Variants in BTBD16 observed in about 807,000 individuals in gnomAD.
BTBD16 encodes the protein BTB/POZ domain-containing protein 16.
In BTBD16, 66 loss-of-function variants were observed where a neutral mutation model predicts 67.4. The ratio of observed to expected loss-of-function variants is 0.98; its 90% CI spans 0.80 to 1.20. The LOEUF is 1.20. Ranked by LOEUF, BTBD16 falls within the 50% of genes most tolerant of loss-of-function variation. The pLI is 0.00. For missense variants in BTBD16, 634 were observed against 616.0 expected, an observed-to-expected ratio of 1.03 and a Z score of -0.31; for synonymous variants, 242 against 236.4, an observed-to-expected ratio of 1.02 and a Z score of -0.22.
At chr10:122,334,492 G>GGTGACTTTGAATA in intron 13 of BTBD16, among the ~76,000 whole-genome samples, 1 of 99,494 alleles carries the variant, frequency 1.0e-5, no homozygotes, top group African/African-American at 4.7e-5. Context: ...ACCGTGCCCG[G>GGTGACTTTGAATA]CCTTTTTTTT....
At chr10:122,318,757 T>G (rs985941887) in intron 10 of BTBD16, among the ~76,000 whole-genome samples, 6 of 152,286 alleles carry the variant, frequency 3.9e-5, no homozygotes, top group Admixed American at 2.6e-4. Context: ...GGCTAATTTT[T>G]GTATATTTAG....
At chr10:122,318,594 T>G (rs1328203800) in intron 10 of BTBD16, among the ~76,000 whole-genome samples, 1 of 152,176 alleles carries the variant, frequency 6.6e-6, no homozygotes, top group Non-Finnish European at 1.5e-5. Flanking sequence ...ATTTTTTTTG[T>G]TTTGTTTTTG....
intron 1 of BTBD16, among the ~76,000 whole-genome samples, chr10:122,273,399 G>A (rs567691707): frequency 1.3e-4 from 20 of 152,094 alleles, no homozygotes; most frequent in African/African-American, 4.6e-4. Flanking sequence ...TAACCTCAAT[G>A]ACTTGGCAGA....
At chr10:122,325,004 A>G (rs2096441895) in intron 10 of BTBD16, among the ~76,000 whole-genome samples, 1 of 152,244 alleles carries the variant, frequency 6.6e-6, no homozygotes, top group South Asian at 2.1e-4. Context: ...TGACAGACAG[A>G]AGGACATTGA....
chr10:122,275,276 G>A (rs543926563), intron 2 of BTBD16, among the ~76,000 whole-genome samples, 177 bp downstream of exon 2: 73 of 152,222 alleles, frequency 4.8e-4, no homozygotes, highest in African/African-American at 1.7e-3. Context: ...CAGAGAGCAG[G>A]CTTGTGGTCT....
intron 10 of BTBD16, among the ~76,000 whole-genome samples, chr10:122,313,518 C>CGGA (rs2096418112): frequency 6.6e-6 from 1 of 152,032 alleles, no homozygotes; most frequent in African/African-American, 2.4e-5. Context: ...CCGCCTCGGC[C>CGGA]TCCCAAAGTG....
intron 8 of BTBD16, among the ~76,000 whole-genome samples, 192 bp downstream of exon 8, chr10:122,298,029 T>C (rs1197970450): frequency 5.9e-5 from 9 of 152,154 alleles, no homozygotes; most frequent in Non-Finnish European, 1.5e-5. Context: ...TTTTAAAGGA[T>C]GTTTTAACAC....
Position 122,287,703 on chromosome 10 carries a change from T to A in BTBD16, c.385+1455T>A, listed in dbSNP as rs2096366531. Among the ~76,000 whole-genome samples the A allele has an allele frequency of 2.0e-5, 3 of 152,220 alleles. No homozygotes were observed. In the South Asian group the frequency reaches 6.2e-4, roughly 31 times the overall value. On this transcript the variant is annotated intron_variant, in intron 5 of 15. Transcript: ENST00000260723. ...ACTTTCATGTTCTCAATATCATCTG[T>A]GTTGCTATCCTGGAACTTCTGGCCA...
At chr10:122,317,390 G>A (rs2096427253) in intron 10 of BTBD16, among the ~76,000 whole-genome samples, 1 of 151,536 alleles carries the variant, frequency 6.6e-6, no homozygotes, top group African/African-American at 2.4e-5. Flanking sequence ...GCTCATGCCT[G>A]TAATCCCAAC....
intron 5 of BTBD16, among the ~76,000 whole-genome samples, chr10:122,289,195 A>G (rs1322361685): frequency 6.6e-6 from 1 of 152,194 alleles, no homozygotes; most frequent in East Asian, 1.9e-4. Flanking sequence ...GCACTGCTCC[A>G]GGTGCTCGGG....
At chr10:122,334,494 CTTTTTTT>C (rs869262992) in intron 13 of BTBD16, among the ~76,000 whole-genome samples, 31 of 43,274 alleles carry the variant, frequency 7.2e-4, no homozygotes, top group African/African-American at 3.2e-3. Flanking sequence ...CGTGCCCGGC[CTTTTTTT>C]TTTTTTTTTT....
intron 1 of BTBD16, among the ~76,000 whole-genome samples, chr10:122,274,510 A>ATT (rs35751626): frequency 0.078 from 11,905 of 152,096 alleles, 798 homozygotes; most frequent in East Asian, 0.19. Flanking sequence ...CCGCAACCCC[A>ATT]TAATCAAATG....
At position 122,307,283 on chromosome 10, in the gene BTBD16, G is replaced by A; in HGVS notation, c.886G>A (p.Glu296Lys). Residue 296 changes from glutamate to lysine, a missense_variant, in exon 10 of 16, where the codon GAA (glutamate) becomes AAA (lysine). Glu to Lys is a moderately conservative substitution (Grantham distance 56, BLOSUM62 1). Transcript: ENST00000260723. ...CAAGATTCAGGCAATTCCGACTTAT[G>A]AAACCGTGATGACATTTTTTAAGAG... ...NYKIQAIPTY[E>K]TVMTFFKSFP... is the part of the protein sequence containing the mutation. 1 of 1,606,568 alleles carries A rather than the reference G, an allele frequency of 6.2e-7. No homozygotes were observed. Among genetic ancestry groups the A allele is most frequent in the South Asian group, 1.1e-5 (1 of 88,612 alleles).
Position 122,327,238 on chromosome 10 carries a change from A to G in BTBD16, c.912-2242A>G, listed in dbSNP as rs538803726. ...TCAGAAGCTGAGGACACCACTTTCT[A>G]TCTTTGAGGTGGCCCATAACTTGGG... On this transcript the variant is annotated intron_variant, in intron 10 of 15. Transcript: ENST00000260723. Among the ~76,000 whole-genome samples, 5 of 152,302 alleles carry G rather than the reference A, an allele frequency of 3.3e-5. No homozygotes were observed. The South Asian group carries it at 1.0e-3, about 32-fold the overall frequency.
At chr10:122,285,866 C>G (rs901893572) in intron 4 of BTBD16, among the ~76,000 whole-genome samples, 46 of 152,160 alleles carry the variant, frequency 3.0e-4, no homozygotes, top group African/African-American at 1.1e-3. Context: ...GACAGCTGTC[C>G]TGGACACGTG....
rs545568590 is a variant in BTBD16 at position 122,286,126 on chromosome 10, G to T, written c.263G>T (p.Gly88Val). The T allele has an allele frequency of 6.2e-7, 1 of 1,613,632 alleles. No homozygotes were observed. The highest frequency in any genetic ancestry group is 2.2e-5 in the East Asian group (1 of 44,864). The change falls in exon 5 of 16, where the codon GGC becomes GTC. Residue 88 changes from glycine (G) to valine (V), a missense_variant. Physicochemically the swap from Gly to Val is moderately radical, Grantham distance 109. Transcript: ENST00000260723. ...GEADVILECL[G>V]FKWELHQPQL... ...TCAGATGTGATTCTCGAGTGCCTGG[G>T]CTTCAAATGGGAGCTCCATCAGCCC... is the stretch of plus-strand genomic sequence containing the variant.
intron 10 of BTBD16, among the ~76,000 whole-genome samples, chr10:122,312,167 A>ATTT (rs2096414860): frequency 6.6e-6 from 1 of 152,210 alleles, no homozygotes; most frequent in African/African-American, 2.4e-5. Flanking sequence ...GGATGAGTTC[A>ATTT]ACTTTAGTAA....
intron 10 of BTBD16, among the ~76,000 whole-genome samples, chr10:122,309,351 T>G (rs1443895743): frequency 6.8e-6 from 1 of 147,024 alleles, no homozygotes; most frequent in East Asian, 2.1e-4. Context: ...TTTTTGTTTT[T>G]GTTTTTTTTT....
intron 3 of BTBD16, among the ~76,000 whole-genome samples, chr10:122,280,514 G>A (rs1590048420): frequency 6.6e-6 from 1 of 151,952 alleles, no homozygotes; most frequent in Admixed American, 6.6e-5. Flanking sequence ...GTGGGAGGAG[G>A]TCATGCTTAA....
Sources: allele counts gnomAD v4.1 joint callset (sites outside exome capture counted in the v4.1 genomes callset), GRCh38; gene constraint gnomAD v4.1.1; transcripts MANE v1.5; gene names NCBI Gene and HGNC (gene_info 2026-07-23, HGNC 2026-07-21).